The following TMEM18 variants were observed in gnomAD, a reference collection of about 807,000 sequenced individuals.
The protein encoded by TMEM18 is transmembrane protein 18.
A neutral mutation model predicts 17.4 loss-of-function variants in TMEM18; 14 were observed. The ratio of observed to expected loss-of-function variants is 0.80; its 90% confidence interval spans 0.53 to 1.25. TMEM18 has a LOEUF of 1.25. Among genes scored for constraint, TMEM18 ranks in the 50% most tolerant of loss-of-function variants. The pLI is 0.00. For missense variants in TMEM18, 187 were observed against 172.1 expected (o/e 1.09, Z -0.48); for synonymous variants, 86 against 66.1 (o/e 1.30, Z -1.46).
chr2:675,582 C>A lies in TMEM18; in HGVS notation c.106G>T (p.Ala36Ser). ...PWLMGLATFH[A>S]LCVLLTCLSS... Reference sequence around the variant, plus strand: ...AAGCAGGTGAGGAGCACGCAGAGCGCGTGGAAGGTGGCCAGCCCCATGAGC... The same window carrying A: ...AAGCAGGTGAGGAGCACGCAGAGCGAGTGGAAGGTGGCCAGCCCCATGAGC... Residue 36 changes from alanine to serine, a missense_variant, in exon 2 of 5, where the codon GCG (alanine) becomes TCG (serine). Ala to Ser is a moderately conservative substitution (Grantham distance 99, BLOSUM62 1). Transcript: ENST00000281017. 1 of 1,614,206 alleles carries A rather than the reference C, an allele frequency of 6.2e-7. No individual in the cohort carries two copies. Among genetic ancestry groups the A allele is most frequent in the Non-Finnish European group, 8.5e-7 (1 of 1,180,042 alleles).
intron 1 of TMEM18, chr2:676,915 A>G: frequency 2.0e-6 from 1 of 510,956 alleles, no homozygotes; most frequent in Admixed American, 3.9e-5. Flanking sequence ...CGCACGGTGC[A>G]GGACGCCAGC....
At chr2:672,910 C>G (rs1326511276) in intron 2 of TMEM18, 48 bp from the exon 3 acceptor site, 22 of 1,472,872 alleles carry the variant, frequency 1.5e-5, no homozygotes, top group Non-Finnish European at 2.0e-5. Flanking sequence ...CCCGTTATTA[C>G]TCGTTATAAA....
chr2:669,702 T>C (rs769196836), intron 4 of TMEM18, 27 bp from the exon 5 acceptor site: 3 of 1,613,996 alleles, frequency 1.9e-6, no homozygotes, highest in East Asian at 4.5e-5. Flanking sequence ...GAGACATGTT[T>C]AGATTTGAAA....
intron 1 of TMEM18, chr2:676,849 T>C: frequency 1.7e-6 from 1 of 602,840 alleles, no homozygotes; most frequent in South Asian, 2.0e-5. Flanking sequence ...GGCGTGCACC[T>C]CCCACACGAA....
At position 669,425 on chromosome 2, in the gene TMEM18, T is replaced by C. The variant is rs1678777975; in HGVS notation, c.*155A>G. On this transcript the variant is annotated 3_prime_UTR_variant, in exon 5 of 5. Transcript: ENST00000281017. ...ATTCAGTGCTGGCTGAAAAGCCAACTTCAGTGTGTGCCCTACCACTGTGGA... is the reference window on the plus strand; with the variant it reads ...ATTCAGTGCTGGCTGAAAAGCCAACCTCAGTGTGTGCCCTACCACTGTGGA... 1.3e-6 allele frequency: 1 copy of C among 771,476 alleles called. No homozygotes were observed. The highest frequency in any genetic ancestry group is 2.2e-6 in the Non-Finnish European group (1 of 458,356). The allele number at this position is 771,476 out of a possible 1,614,324, so 47.8% of individuals were successfully genotyped here. A position where few individuals can be genotyped will look rare whatever the true frequency, so the allele number is the denominator to read the frequency against.
In TMEM18 at chr2:677,341, G is replaced by A. The variant is rs1235104390; in HGVS notation, c.5C>T (p.Pro2Leu). The change falls in exon 1 of 5, where the codon CCG (proline) becomes CTG (leucine). Residue 2 changes from proline to leucine, a missense_variant. Coordinates refer to ENST00000281017, the MANE Select transcript of TMEM18 (RefSeq NM_152834.4). ...GAAAGAGCTGACAGAGAAGGCGGAC[G>A]GCATGGTGTTGGGAAGCCCGCTCTC... M[P>L]SAFSVSSFPV... The A allele has an allele frequency of 6.2e-6, 10 of 1,612,208 alleles. No individual in the cohort carries two copies. Among genetic ancestry groups the A allele is most frequent in the East Asian group, 4.5e-5 (2 of 44,844 alleles).
At chr2:672,940 A>G in intron 2 of TMEM18, 78 bp from the exon 3 acceptor site, 2 of 1,278,666 alleles carry the variant, frequency 1.6e-6, no homozygotes, top group South Asian at 1.5e-5. Flanking sequence ...TCTTTACAGC[A>G]GAATACTGAA....
At chr2:676,009 G>A in intron 1 of TMEM18, 2 of 1,305,150 alleles carry the variant, frequency 1.5e-6, no homozygotes, top group Non-Finnish European at 2.0e-6. Context: ...GATAATTGGT[G>A]ACGACAAGGA....
chr2:676,625 C>A (rs1279467414), intron 1 of TMEM18: 8 of 1,550,262 alleles, frequency 5.2e-6, no homozygotes, highest in Non-Finnish European at 7.0e-6. Context: ...TGCCCAGACC[C>A]CATCGAGTGC....
At chr2:677,221 T>C in intron 1 of TMEM18, 68 bp downstream of exon 1, 1 of 1,553,518 alleles carries the variant, frequency 6.4e-7, no homozygotes, top group Non-Finnish European at 8.7e-7. Flanking sequence ...CCGGGTGCTC[T>C]GTGGGGCCTA....
rs1678627192 is a variant in TMEM18, at chr2:664,533, A to C, written c.*5047T>G. Among the ~76,000 whole-genome samples, 1 of 152,274 alleles carries C rather than the reference A, an allele frequency of 6.6e-6. No homozygotes were observed. Among genetic ancestry groups the C allele is most frequent in the Non-Finnish European group, 1.5e-5 (1 of 68,056 alleles). ...CACCAACAATCATTTGAAAAGCGTT[A>C]AACCTCACAGGTAACCACAGAAGTA... On this transcript the variant is annotated 3_prime_UTR_variant, in exon 5 of 5. Coordinates refer to ENST00000281017, the MANE Select transcript of TMEM18 (RefSeq NM_152834.4).
chr2:676,680 G>A (rs1659240696), intron 1 of TMEM18: 1 of 1,537,072 alleles, frequency 6.5e-7, no homozygotes, highest in African/African-American at 1.4e-5. Context: ...GCTCCCCTGG[G>A]ATCTGTCAGA....
At chr2:674,422 C>CCG (rs2103093699) in intron 2 of TMEM18, among the ~76,000 whole-genome samples, 1 of 152,300 alleles carries the variant, frequency 6.6e-6, no homozygotes, top group East Asian at 1.9e-4. Flanking sequence ...TTAAATCAGG[C>CCG]CGCTCCTCCT....
At position 664,351 on chromosome 2, in the gene TMEM18, C is replaced by T. The variant is rs1383892785; in HGVS notation, c.*5229G>A. On this transcript the variant is annotated 3_prime_UTR_variant, in exon 5 of 5. Coordinates refer to ENST00000281017, the MANE Select transcript of TMEM18 (RefSeq NM_152834.4). ...ACTGTTTGACTTTCTAAAACCTTTT[C>T]AACACAAGCCAAAGCCAAACTACAG... Among the ~76,000 whole-genome samples, 1 of 152,194 alleles carries T rather than the reference C, an allele frequency of 6.6e-6. No individual in the cohort carries two copies. The highest frequency in any genetic ancestry group is 1.9e-4 in the East Asian group (1 of 5,202).
chr2:664,710 C>A lies in TMEM18; in HGVS notation c.*4870G>T, dbSNP rs368037316. ...AAATTGATTTAGCAACATTTACCAA[C>A]TGTCACATAAAAGTTATATATGTTG... On this transcript the variant is annotated 3_prime_UTR_variant, in exon 5 of 5. Coordinates refer to ENST00000281017, the MANE Select transcript of TMEM18 (RefSeq NM_152834.4). 6.6e-6 allele frequency among the ~76,000 whole-genome samples: 1 copy of A among 152,322 alleles called. No individual in the cohort carries two copies. The highest frequency in any genetic ancestry group is 2.1e-4 in the South Asian group (1 of 4,822).
chr2:676,665 C>G, intron 1 of TMEM18: 1 of 1,547,074 alleles, frequency 6.5e-7, no homozygotes, highest in Non-Finnish European at 8.7e-7. Context: ...CCACGTGGGG[C>G]GTGGGCTCCC....
At chr2:672,446 T>A (rs770500083) in intron 3 of TMEM18, among the ~76,000 whole-genome samples, 1 of 152,066 alleles carries the variant, frequency 6.6e-6, no homozygotes, top group Non-Finnish European at 1.5e-5. Context: ...AGACTCCCCA[T>A]GGAGCAGCCA....
chr2:674,826 T>C (rs1678953042), intron 2 of TMEM18, among the ~76,000 whole-genome samples: 1 of 152,246 alleles, frequency 6.6e-6, no homozygotes, highest in African/African-American at 2.4e-5. Flanking sequence ...CCTCCTCGCC[T>C]CTTCTACCCA....
intron 2 of TMEM18, among the ~76,000 whole-genome samples, chr2:675,018 G>C (rs1678959005): frequency 6.6e-6 from 1 of 152,222 alleles, no homozygotes; most frequent in Non-Finnish European, 1.5e-5. Flanking sequence ...CACACCCTGT[G>C]CCATGATTTC....
Sources: allele counts gnomAD v4.1 joint callset (sites outside exome capture counted in the v4.1 genomes callset), GRCh38; gene constraint gnomAD v4.1.1; transcripts MANE v1.5; gene names NCBI Gene and HGNC (gene_info 2026-07-23, HGNC 2026-07-21).